Variants in PIK3C2G observed in about 807,000 individuals in gnomAD.
PIK3C2G encodes the protein phosphatidylinositol-4-phosphate 3-kinase catalytic subunit type 2 gamma.
PIK3C2G carries 168 observed loss-of-function variants against 181.1 expected under a neutral mutation model. The observed-to-expected ratio is 0.93, with a 90% CI of 0.82 to 1.05. The LOEUF (loss-of-function observed/expected upper bound fraction) is 1.05, where lower values mean the gene tolerates loss of function less well. Among genes scored for constraint, PIK3C2G ranks in the 50% least tolerant of loss-of-function variants. The pLI, the probability that PIK3C2G is intolerant of heterozygous loss-of-function variation, is 0.00. For synonymous variants in PIK3C2G, 573 were observed against 592.2 expected (o/e 0.97, Z 0.47); for missense variants, 1,869 against 1,732.8 (o/e 1.08, Z -1.40).
At chr12:18,447,021 A>G (rs968005253) in intron 18 of PIK3C2G, among the ~76,000 whole-genome samples, 2 of 152,180 alleles carry the variant, frequency 1.3e-5, no homozygotes, top group Non-Finnish European at 2.9e-5. Flanking sequence ...GTGATCTTAT[A>G]CTTCTGTTTC....
chr12:18,668,453 A>G, the PIK3C2G span, among the ~76,000 whole-genome samples: 3,392 of 152,292 alleles, frequency 0.022, 127 homozygotes, highest in African/African-American at 0.078. Flanking sequence ...ACACACATGG[A>G]GCACCAAGGT....
At chr12:18,715,070 G>C in the PIK3C2G span, among the ~76,000 whole-genome samples, 9 of 150,784 alleles carry the variant, frequency 6.0e-5, no homozygotes, top group African/African-American at 2.2e-4. Context: ...GACCCAAGAA[G>C]TACTTAGGTA....
intron 31 of PIK3C2G, among the ~76,000 whole-genome samples, chr12:18,629,640 C>T (rs1949261863): frequency 2.6e-5 from 4 of 152,096 alleles, no homozygotes. Context: ...AATATTGACT[C>T]AGAGATAGGA....
chr12:18,713,530 G>A, the PIK3C2G span, among the ~76,000 whole-genome samples: 3 of 152,190 alleles, frequency 2.0e-5, no homozygotes, highest in Admixed American at 6.5e-5. Context: ...TGGAAACAGT[G>A]TTGGCTACAC....
At chr12:18,377,180 A>C (rs1227492481) in intron 13 of PIK3C2G, among the ~76,000 whole-genome samples, 3 of 152,134 alleles carry the variant, frequency 2.0e-5, no homozygotes, top group Admixed American at 2.0e-4. Flanking sequence ...GGGCACATAG[A>C]ATATTATGGC....
intron 30 of PIK3C2G, among the ~76,000 whole-genome samples, chr12:18,601,894 G>A (rs778400428): frequency 1.1e-4 from 17 of 152,066 alleles, no homozygotes; most frequent in Admixed American, 1.0e-3. Context: ...CTGTGAGCTC[G>A]CTGGGTCCCC....
At chr12:18,697,433 A>T in the PIK3C2G span, among the ~76,000 whole-genome samples, 2 of 152,138 alleles carry the variant, frequency 1.3e-5, no homozygotes, top group African/African-American at 2.4e-5. Context: ...CTTAGGCAAA[A>T]CACATACTCT....
chr12:18,363,303 TA>T, intron 12 of PIK3C2G, among the ~76,000 whole-genome samples: 1 of 152,316 alleles, frequency 6.6e-6, no homozygotes, highest in African/African-American at 2.4e-5. Context: ...CAAATTTATT[TA>T]AACAATCAAG....
At chr12:18,688,333 C>G in the PIK3C2G span, 1 of 1,089,144 alleles carries the variant, frequency 9.2e-7, no homozygotes, top group East Asian at 2.5e-5. Context: ...TCAGCTCCCA[C>G]AAACATTGAA....
At chr12:18,385,549 T>C (rs1353061676) in intron 14 of PIK3C2G, among the ~76,000 whole-genome samples, 2 of 152,080 alleles carry the variant, frequency 1.3e-5, no homozygotes, top group East Asian at 3.9e-4. Flanking sequence ...ATGCGGTTCT[T>C]GTTCTAGTCT....
intron 14 of PIK3C2G, among the ~76,000 whole-genome samples, chr12:18,385,785 C>T (rs951761291): frequency 5.3e-5 from 8 of 152,054 alleles, no homozygotes; most frequent in Admixed American, 1.3e-4. Context: ...AAGTTGGTTT[C>T]GAACTCCTGA....
the PIK3C2G span, among the ~76,000 whole-genome samples, chr12:18,722,169 A>G: frequency 6.6e-6 from 1 of 151,132 alleles, no homozygotes; most frequent in Admixed American, 6.6e-5. Flanking sequence ...GTTCTTCTGA[A>G]CACCCAACCT....
chr12:18,613,617 G>C (rs1226813877), intron 31 of PIK3C2G, among the ~76,000 whole-genome samples: 1 of 151,962 alleles, frequency 6.6e-6, no homozygotes, highest in Non-Finnish European at 1.5e-5. Flanking sequence ...TGTAAGTATA[G>C]ATTGGGCTAT....
intron 18 of PIK3C2G, among the ~76,000 whole-genome samples, chr12:18,473,577 T>C (rs550816482): frequency 1.3e-5 from 2 of 152,248 alleles, no homozygotes; most frequent in African/African-American, 2.4e-5. Flanking sequence ...ATAATGTATC[T>C]AGAGCAGCCA....
At position 18,483,897 on chromosome 12, in the gene PIK3C2G, C is replaced by T. The variant is rs141909294; in HGVS notation, c.2505-4552C>T. Among the ~76,000 whole-genome samples, 28 of 152,250 alleles carry T rather than the reference C, an allele frequency of 1.8e-4. No individual in the cohort carries two copies. The East Asian group carries it at 5.4e-3, about 29-fold the overall frequency. ...GACTTGCTGTCGTCCTGCTTGGCTC[C>T]ACCTGACTGTGCATCAATGCTCAGC... is the stretch of plus-strand genomic sequence containing the variant. On this transcript the variant is annotated intron_variant, in intron 18 of 32. Transcript: ENST00000538779.
intron 30 of PIK3C2G, among the ~76,000 whole-genome samples, chr12:18,599,849 T>A (rs1947611815): frequency 6.6e-6 from 1 of 151,894 alleles, no homozygotes; most frequent in South Asian, 2.1e-4. Context: ...AAGCATTGAA[T>A]TAAATAAGAG....
chr12:18,697,423 C>T, the PIK3C2G span, among the ~76,000 whole-genome samples: 2 of 152,062 alleles, frequency 1.3e-5, no homozygotes, highest in African/African-American at 2.4e-5. Context: ...GATGTCTGTC[C>T]TTAGGCAAAA....
At chr12:18,330,860 T>C (rs1937882649) in intron 8 of PIK3C2G, among the ~76,000 whole-genome samples, 1 of 152,188 alleles carries the variant, frequency 6.6e-6, no homozygotes, top group African/African-American at 2.4e-5. Context: ...TTCGCTTGCT[T>C]TTTTATTTCA....
intron 18 of PIK3C2G, among the ~76,000 whole-genome samples, chr12:18,482,628 T>A (rs1674244550): frequency 6.6e-6 from 1 of 152,130 alleles, no homozygotes; most frequent in African/African-American, 2.4e-5. Flanking sequence ...CCCCCCCTTT[T>A]CTCCATCCTG....
Sources: gnomAD v4.1 joint callset for allele counts (sites outside exome capture counted in the v4.1 genomes callset) on GRCh38, gnomAD v4.1.1 for gene constraint, MANE v1.5 for transcripts, NCBI Gene and HGNC (gene_info 2026-07-23, HGNC 2026-07-21) for gene names.